RGS7: variants seen among roughly 807,000 people sequenced by gnomAD.
RGS7 encodes the protein regulator of G protein signaling 7, also known as regulator of G-protein signaling 7.
In RGS7, 27 loss-of-function variants were observed where a neutral mutation model predicts 81.1. The ratio of observed to expected loss-of-function variants is 0.33; its 90% CI spans 0.25 to 0.46. The LOEUF (loss-of-function observed/expected upper bound fraction) is 0.46. Among genes scored for constraint, RGS7 ranks in the 20% least tolerant of loss-of-function variants. The pLI is 1.00. For synonymous variants in RGS7, 208 were observed against 207.7 expected (o/e 1.00, Z -0.01); for missense variants, 396 against 607.4 (o/e 0.65, Z 3.66).
intron 9 of RGS7, among the ~76,000 whole-genome samples, chr1:240,856,647 A>G (rs1263750481): frequency 6.6e-6 from 1 of 152,164 alleles, no homozygotes; most frequent in African/African-American, 2.4e-5. Flanking sequence ...ATATACAATC[A>G]TGCCTCAGAA....
At chr1:240,908,055 T>C (rs1213359546) in intron 6 of RGS7, among the ~76,000 whole-genome samples, 2 of 151,900 alleles carry the variant, frequency 1.3e-5, no homozygotes, top group African/African-American at 2.4e-5. Context: ...ATAGCCACCA[T>C]GGTTAACTTT....
At chr1:241,210,484 T>C (rs1275286900) in intron 2 of RGS7, among the ~76,000 whole-genome samples, 1 of 152,120 alleles carries the variant, frequency 6.6e-6, no homozygotes, top group Non-Finnish European at 1.5e-5. Context: ...GAACAATGAA[T>C]AGAAAAGTCT....
At chr1:241,094,680 A>C (rs2148941375) in intron 3 of RGS7, among the ~76,000 whole-genome samples, 1 of 152,350 alleles carries the variant, frequency 6.6e-6, no homozygotes, top group East Asian at 1.9e-4. Context: ...TTTAGCAGGA[A>C]AAACAAAAAC....
chr1:241,127,216 T>TA (rs2103021507), intron 2 of RGS7, among the ~76,000 whole-genome samples: 1 of 152,158 alleles, frequency 6.6e-6, no homozygotes, highest in Non-Finnish European at 1.5e-5. Context: ...TTCTGACAAA[T>TA]AAAAAATCCT....
chr1:241,152,166 C>T (rs1170542198), intron 2 of RGS7, among the ~76,000 whole-genome samples: 1 of 149,278 alleles, frequency 6.7e-6, no homozygotes, highest in Admixed American at 6.6e-5. Flanking sequence ...GATCTTTGGG[C>T]AAGCCAAAGT....
At chr1:240,913,548 C>T (rs1371680188) in intron 6 of RGS7, among the ~76,000 whole-genome samples, 1 of 152,160 alleles carries the variant, frequency 6.6e-6, no homozygotes, top group Non-Finnish European at 1.5e-5. Flanking sequence ...AGTTGGTTCT[C>T]ACTGTCGTAT....
intron 9 of RGS7, among the ~76,000 whole-genome samples, chr1:240,837,040 G>A (rs1009298058): frequency 1.3e-5 from 2 of 152,222 alleles, no homozygotes; most frequent in Admixed American, 1.3e-4. Flanking sequence ...GAGCAACCAA[G>A]AGGACTCTAA....
chr1:240,924,890 T>C (rs1674161196), intron 6 of RGS7, among the ~76,000 whole-genome samples: 1 of 152,166 alleles, frequency 6.6e-6, no homozygotes, highest in South Asian at 2.1e-4. Flanking sequence ...AATAATATTT[T>C]AGTGCAGTAT....
chr1:241,065,662 C>T (rs2062018466), intron 3 of RGS7, among the ~76,000 whole-genome samples: 1 of 152,166 alleles, frequency 6.6e-6, no homozygotes, highest in African/African-American at 2.4e-5. Flanking sequence ...CTCTATATTA[C>T]TTATGGTTAT....
In RGS7 at chr1:240,783,645, TA is replaced by T. The variant is rs958969041; in HGVS notation, c.*7-7433del. Among the ~76,000 whole-genome samples, 418 of 150,140 alleles carry T rather than the reference TA, an allele frequency of 2.8e-3. 2 individuals are homozygous for T. The highest frequency in any genetic ancestry group is 9.1e-3 in the African/African-American group (374 of 40,886). On this transcript the variant is annotated intron_variant, in intron 18 of 18. Transcript: ENST00000440928. The stretch of plus-strand genomic sequence containing the variant: ...CTCAAAAAAAATAAAAAATAAAAAA[TA>T]AAAAAAAATCGTTCTTGGTCTTAAA...
intron 9 of RGS7, among the ~76,000 whole-genome samples, chr1:240,846,700 G>C (rs1425297833): frequency 6.6e-6 from 1 of 152,148 alleles, no homozygotes; most frequent in Non-Finnish European, 1.5e-5. Context: ...GGGTTGGTTT[G>C]TGTAACCAAT....
chr1:240,881,651 G>T (rs1666413795), intron 6 of RGS7, among the ~76,000 whole-genome samples: 11 of 152,048 alleles, frequency 7.2e-5, no homozygotes, highest in Admixed American at 7.2e-4. Flanking sequence ...ATAATTTGGA[G>T]AATTTTATTT....
chr1:240,869,510 A>T (rs151305411), intron 7 of RGS7, among the ~76,000 whole-genome samples: 1 of 152,334 alleles, frequency 6.6e-6, no homozygotes, highest in African/African-American at 2.4e-5. Context: ...AGAAAATAAG[A>T]TATGCTTCCC....
At chr1:241,156,450 G>A (rs1165191675) in intron 2 of RGS7, among the ~76,000 whole-genome samples, 1 of 151,812 alleles carries the variant, frequency 6.6e-6, no homozygotes, top group Admixed American at 6.6e-5. Flanking sequence ...AGGCTGCAGT[G>A]AGCCATGATT....
chr1:240,994,782 T>C (rs780799665), intron 3 of RGS7, among the ~76,000 whole-genome samples: 6 of 152,050 alleles, frequency 3.9e-5, no homozygotes, highest in Admixed American at 3.3e-4. Context: ...AGTAAACTTA[T>C]TATTATTACT....
chr1:240,910,838 C>A (rs181591718), intron 6 of RGS7, among the ~76,000 whole-genome samples: 1 of 152,146 alleles, frequency 6.6e-6, no homozygotes, highest in East Asian at 1.9e-4. Context: ...CATGCCTCAG[C>A]CTCCCAAGTT....
intron 14 of RGS7, among the ~76,000 whole-genome samples, chr1:240,809,945 C>T (rs142467474): frequency 1.1e-4 from 16 of 152,154 alleles, no homozygotes; most frequent in African/African-American, 2.2e-4. Flanking sequence ...GAGTCTAGTA[C>T]GGCATAGAAT....
chr1:241,184,001 A>C (rs1392948131), intron 2 of RGS7, among the ~76,000 whole-genome samples: 1 of 152,188 alleles, frequency 6.6e-6, no homozygotes. Flanking sequence ...GGGAGTCAGA[A>C]CTACCCTCTG....
chr1:241,332,623 G>A (rs1362093263), intron 2 of RGS7, among the ~76,000 whole-genome samples: 4 of 152,100 alleles, frequency 2.6e-5, no homozygotes, highest in Non-Finnish European at 4.4e-5. Context: ...CTAACACAAC[G>A]AAACATTTCC....
Sources: allele counts gnomAD v4.1 joint callset (sites outside exome capture counted in the v4.1 genomes callset), GRCh38; gene constraint gnomAD v4.1.1; transcripts MANE v1.5; gene names NCBI Gene and HGNC (gene_info 2026-07-23, HGNC 2026-07-21).